The following MAGI3 variants were observed in gnomAD, a reference collection of about 807,000 sequenced individuals.
The protein encoded by MAGI3 is membrane associated guanylate kinase, WW and PDZ domain containing 3, also known as membrane-associated guanylate kinase, WW and PDZ domain-containing protein 3.
Under a neutral mutation model 121.8 loss-of-function variants are expected in MAGI3, and 43 were observed. The ratio of observed to expected loss-of-function variants is 0.35; its 90% confidence interval spans 0.28 to 0.46. The LOEUF (loss-of-function observed/expected upper bound fraction) is 0.46, where lower values mean the gene tolerates loss of function less well. MAGI3 is among the 20% of genes least tolerant of loss of function. The probability of loss-of-function intolerance (pLI) is 1.00; values close to 1 mark genes in which losing one functional copy is unlikely to be tolerated. For missense variants in MAGI3, 1,547 were observed against 1,797.3 expected, an observed-to-expected ratio of 0.86 and a Z score of 2.52; for synonymous variants, 553 against 639.3, an observed-to-expected ratio of 0.86 and a Z score of 2.04.
rs760416484 is a variant in MAGI3 at position 113,391,185 on chromosome 1, A to T, written c.152A>T (p.Glu51Val). ...CCCTACCTGGGGCGGCTCCGCGAGG[A>T]GCCCGGCGGGGGCACCTGCTGCGTC... ...EFPYLGRLRE[E>V]PGGGTCCVVS... Residue 51 changes from glutamate (E) to valine (V), a missense_variant, in exon 1 of 21, where the codon GAG becomes GTG. Coordinates refer to ENST00000307546, the MANE Select transcript of MAGI3 (RefSeq NM_001142782.2). The surrounding 1 kb of genome is among the most constrained non-coding windows in gnomAD (Gnocchi z 4.4). 5.2e-6 allele frequency: 8 copies of T among 1,552,052 alleles called. No homozygotes were observed. In the South Asian group the frequency reaches 9.5e-5, roughly 18 times the overall value.
At chr1:113,521,799 T>C (rs1172162622) in intron 1 of MAGI3, among the ~76,000 whole-genome samples, 1 of 152,238 alleles carries the variant, frequency 6.6e-6, no homozygotes, top group Non-Finnish European at 1.5e-5. Flanking sequence ...ATTATCATAA[T>C]TTCCTGTTTC....
chr1:113,539,393 GAA>G (rs530823031), intron 1 of MAGI3, among the ~76,000 whole-genome samples: 2 of 113,156 alleles, frequency 1.8e-5, no homozygotes, highest in Non-Finnish European at 1.9e-5. Flanking sequence ...CTCCGTCTCA[GAA>G]AAAAAAAAAA....
At chr1:113,661,544 C>A (rs1406158964) in intron 16 of MAGI3, among the ~76,000 whole-genome samples, 2 of 152,154 alleles carry the variant, frequency 1.3e-5, no homozygotes, top group African/African-American at 4.8e-5. Flanking sequence ...GGAAAAAAAA[C>A]TACTTCTTTC....
At chr1:113,523,815 G>A (rs1037760039) in intron 1 of MAGI3, among the ~76,000 whole-genome samples, 20 of 152,166 alleles carry the variant, frequency 1.3e-4, no homozygotes, top group African/African-American at 3.9e-4. Context: ...CATAAGTAAC[G>A]AGGAGCCAAA....
intron 1 of MAGI3, among the ~76,000 whole-genome samples, chr1:113,510,181 A>T (rs1019853182): frequency 1.3e-5 from 2 of 152,208 alleles, no homozygotes; most frequent in Non-Finnish European, 2.9e-5. Flanking sequence ...AAGTATTTTT[A>T]AAAATCAAAC....
Position 113,390,950 on chromosome 1 carries a change from C to A in MAGI3, c.-84C>A. On this transcript the variant is annotated 5_prime_UTR_variant, in exon 1 of 21. Transcript: ENST00000307546. ...CCCCTTACCGGGCTGCGCGGGCCGCCCAGGGCCCCCGGGCTGAGACGGGGC... is the reference window on the plus strand; with the variant it reads ...CCCCTTACCGGGCTGCGCGGGCCGCACAGGGCCCCCGGGCTGAGACGGGGC... 7.9e-7 allele frequency: 1 copy of A among 1,258,384 alleles called. No individual in the cohort carries two copies. Among genetic ancestry groups the A allele is most frequent in the Non-Finnish European group, 1.0e-6 (1 of 975,834 alleles). The allele number at this position is 1,258,384 out of a possible 1,614,324, so 78.0% of individuals were successfully genotyped here. A position where few individuals can be genotyped will look rare whatever the true frequency, so the allele number is the denominator to read the frequency against.
At chr1:113,398,771 G>A (rs1651248727) in intron 1 of MAGI3, among the ~76,000 whole-genome samples, 2 of 151,856 alleles carry the variant, frequency 1.3e-5, no homozygotes, top group Non-Finnish European at 2.9e-5. Context: ...AATTGGCTTT[G>A]CTTTTTCCTC....
intron 1 of MAGI3, among the ~76,000 whole-genome samples, chr1:113,483,824 A>G (rs1438576080): frequency 6.6e-6 from 1 of 152,132 alleles, no homozygotes; most frequent in Non-Finnish European, 1.5e-5. Flanking sequence ...ATACAGTACA[A>G]TAGTACCAGT....
At chr1:113,650,720 T>C (rs1344880203) in intron 13 of MAGI3, among the ~76,000 whole-genome samples, 1 of 152,230 alleles carries the variant, frequency 6.6e-6, no homozygotes, top group Non-Finnish European at 1.5e-5. Context: ...TTTGTTTCAT[T>C]GTAATGATAG....
rs1228530536 is a variant in MAGI3, at chr1:113,536,163, A to ATTTT, written c.317-13352_317-13351insTTTT. Among the ~76,000 whole-genome samples the ATTTT allele has an allele frequency of 3.5e-4, 53 of 150,472 alleles. No individual in the cohort carries two copies. In the Middle Eastern group the frequency reaches 0.01, roughly 29 times the overall value. Reference sequence around the variant, plus strand: ...ACATGTGTTTTTTTTTTTTTTTAAAAAAATTTGATTAGACAGTATGAATCT... The same window carrying ATTTT: ...ACATGTGTTTTTTTTTTTTTTTAAAATTTTAAATTTGATTAGACAGTATGAATCT... On this transcript the variant is annotated intron_variant, in intron 1 of 20. Coordinates refer to ENST00000307546, the MANE Select transcript of MAGI3 (RefSeq NM_001142782.2).
chr1:113,552,175 A>G (rs1372751139), intron 2 of MAGI3, among the ~76,000 whole-genome samples: 1 of 152,148 alleles, frequency 6.6e-6, no homozygotes. Context: ...GTGGGTAAAT[A>G]CATATTTAAT....
At chr1:113,454,046 A>T (rs1654624443) in intron 1 of MAGI3, among the ~76,000 whole-genome samples, 1 of 152,258 alleles carries the variant, frequency 6.6e-6, no homozygotes, top group South Asian at 2.1e-4. Context: ...TATACCTCAG[A>T]TATCTCTAGA....
chr1:113,522,157 G>C (rs1557802147), intron 1 of MAGI3, among the ~76,000 whole-genome samples: 1 of 152,214 alleles, frequency 6.6e-6, no homozygotes, highest in Non-Finnish European at 1.5e-5. Flanking sequence ...ACCCAGGCAA[G>C]TGCAGTGGCA....
intron 1 of MAGI3, among the ~76,000 whole-genome samples, chr1:113,474,654 T>G (rs540127078): frequency 8.0e-5 from 12 of 150,432 alleles, no homozygotes; most frequent in Non-Finnish European, 1.5e-4. Context: ...CCATGCTGTT[T>G]TGGTTAAGTC....
intron 6 of MAGI3, among the ~76,000 whole-genome samples, chr1:113,597,490 T>A (rs1649093080): frequency 6.6e-6 from 1 of 152,176 alleles, no homozygotes; most frequent in Non-Finnish European, 1.5e-5. Context: ...AAGTTGTTTT[T>A]AAAATGGCCA....
chr1:113,587,149 A>C (rs1293585904), intron 4 of MAGI3, among the ~76,000 whole-genome samples: 1 of 152,130 alleles, frequency 6.6e-6, no homozygotes, highest in Admixed American at 6.5e-5. Flanking sequence ...AACTAATCAA[A>C]GTTGGGGAAA....
At chr1:113,415,636 C>T (rs978733471) in intron 1 of MAGI3, among the ~76,000 whole-genome samples, 2 of 151,914 alleles carry the variant, frequency 1.3e-5, no homozygotes, top group African/African-American at 4.8e-5. Context: ...CTATTGCCAA[C>T]TAAAATCTTC....
At chr1:113,546,440 G>A (rs1258132565) in intron 1 of MAGI3, among the ~76,000 whole-genome samples, 1 of 152,078 alleles carries the variant, frequency 6.6e-6, no homozygotes, top group African/African-American at 2.4e-5. Flanking sequence ...AGGTTCAAGC[G>A]ATTCTCCTGC....
At chr1:113,612,931 A>G (rs569750160) in intron 6 of MAGI3, among the ~76,000 whole-genome samples, 1 of 152,180 alleles carries the variant, frequency 6.6e-6, no homozygotes, top group Non-Finnish European at 1.5e-5. Context: ...TTCTCTAAAG[A>G]CAAAACATAA....
Sources: allele counts gnomAD v4.1 joint callset (sites outside exome capture counted in the v4.1 genomes callset), GRCh38; gene constraint gnomAD v4.1.1; non-coding constraint Gnocchi (gnomAD v3.1); transcripts MANE v1.5; gene names NCBI Gene and HGNC (gene_info 2026-07-23, HGNC 2026-07-21).